The following PPP1R9A variants were observed in gnomAD, a reference collection of about 807,000 sequenced individuals.
PPP1R9A encodes the protein protein phosphatase 1 regulatory subunit 9A, also known as neurabin-1.
PPP1R9A carries 59 observed loss-of-function variants against 141.9 expected under a neutral mutation model. The ratio of observed to expected loss-of-function variants is 0.42; its 90% confidence interval spans 0.34 to 0.52. The LOEUF is 0.52. Ranked by LOEUF, PPP1R9A falls within the 20% of genes least tolerant of loss-of-function variation. The pLI is 0.10. For synonymous variants in PPP1R9A, 500 were observed against 569.7 expected (o/e 0.88, Z 1.74); for missense variants, 1,444 against 1,611.9 (o/e 0.90, Z 1.78).
chr7:95,049,450 C>G (rs184752543), intron 2 of PPP1R9A, among the ~76,000 whole-genome samples: 1 of 152,178 alleles, frequency 6.6e-6, no homozygotes, highest in Non-Finnish European at 1.5e-5. Context: ...CATACATACC[C>G]TGGCTCCTTC....
chr7:95,010,314 G>A (rs1804233931), intron 2 of PPP1R9A, among the ~76,000 whole-genome samples: 1 of 152,106 alleles, frequency 6.6e-6, no homozygotes, highest in Non-Finnish European at 1.5e-5. Flanking sequence ...TGAGGTGGAA[G>A]GATTGCTTGA....
At chr7:95,011,093 A>G (rs1032584630) in intron 2 of PPP1R9A, among the ~76,000 whole-genome samples, 1 of 152,174 alleles carries the variant, frequency 6.6e-6, no homozygotes, top group Non-Finnish European at 1.5e-5. Flanking sequence ...TTCTTTAAAG[A>G]TATTTTTCAT....
intron 2 of PPP1R9A, among the ~76,000 whole-genome samples, chr7:95,095,989 A>C (rs1486206035): frequency 7.4e-6 from 1 of 135,624 alleles, no homozygotes; most frequent in African/African-American, 2.7e-5. Context: ...TGTAGGTCTC[A>C]GTGCTAGAAA....
Position 95,290,352 on chromosome 7 carries a change from C to T in PPP1R9A, c.*49C>T. On this transcript the variant is annotated 3_prime_UTR_variant, in exon 20 of 20. Transcript: ENST00000433360. ...GAGATGCTCCAAGAGAAGTCCCCAC[C>T]TCTTCCTGCCCTGCTCTCCTCCAGA... The T allele has an allele frequency of 1.3e-6, 2 of 1,536,868 alleles. No individual in the cohort carries two copies. The highest frequency in any genetic ancestry group is 1.8e-6 in the Non-Finnish European group (2 of 1,131,528).
intron 8 of PPP1R9A, among the ~76,000 whole-genome samples, chr7:95,232,691 A>T (rs1282400511): frequency 6.6e-6 from 1 of 152,152 alleles, no homozygotes; most frequent in Non-Finnish European, 1.5e-5. Context: ...AAACAACCCC[A>T]TCAAAAAGTG....
intron 6 of PPP1R9A, among the ~76,000 whole-genome samples, chr7:95,201,629 G>A (rs547116249): frequency 6.6e-6 from 1 of 152,168 alleles, no homozygotes; most frequent in Admixed American, 6.5e-5. Context: ...ATGTCCAAGA[G>A]GCATAAAGGA....
intron 12 of PPP1R9A, among the ~76,000 whole-genome samples, chr7:95,263,160 C>G (rs1194800975): frequency 2.0e-5 from 3 of 151,966 alleles, no homozygotes; most frequent in African/African-American, 7.3e-5. Context: ...TCCTAGGACA[C>G]CAGATCTAAT....
At chr7:95,236,147 C>CA (rs1563474130) in intron 8 of PPP1R9A, among the ~76,000 whole-genome samples, 1 of 151,930 alleles carries the variant, frequency 6.6e-6, no homozygotes, top group Admixed American at 6.6e-5. Flanking sequence ...ATAACAACAA[C>CA]AAAAAAATTT....
chr7:95,205,465 C>A (rs1305914015), intron 7 of PPP1R9A, among the ~76,000 whole-genome samples: 1 of 152,188 alleles, frequency 6.6e-6, no homozygotes, highest in Non-Finnish European at 1.5e-5. Flanking sequence ...GAAACTACCA[C>A]AAATGACAGT....
intron 6 of PPP1R9A, among the ~76,000 whole-genome samples, chr7:95,200,269 C>T (rs1288008266): frequency 2.8e-5 from 4 of 144,058 alleles, no homozygotes; most frequent in Non-Finnish European, 6.1e-5. Context: ...AAATTTTGCT[C>T]TTTTTTTTTT....
chr7:95,224,201 A>C (rs974501153), intron 7 of PPP1R9A, among the ~76,000 whole-genome samples: 2 of 152,114 alleles, frequency 1.3e-5, no homozygotes, highest in Non-Finnish European at 2.9e-5. Flanking sequence ...CTAGAGTTCC[A>C]GGTACTCAGG....
intron 2 of PPP1R9A, among the ~76,000 whole-genome samples, chr7:95,038,179 G>A (rs1258765125): frequency 6.6e-6 from 1 of 151,984 alleles, no homozygotes; most frequent in African/African-American, 2.4e-5. Context: ...TGAAAAACTA[G>A]TGACTTTTCT....
chr7:95,219,596 T>A (rs2152937804), intron 7 of PPP1R9A, among the ~76,000 whole-genome samples: 1 of 152,254 alleles, frequency 6.6e-6, no homozygotes, highest in East Asian at 1.9e-4. Flanking sequence ...CCTGTCACTT[T>A]CAGATAAAAT....
intron 2 of PPP1R9A, among the ~76,000 whole-genome samples, chr7:94,988,644 G>A (rs1018313019): frequency 2.0e-5 from 3 of 152,018 alleles, no homozygotes; most frequent in Non-Finnish European, 1.5e-5. Context: ...GTGGAAAAGT[G>A]AAATGAGAAA....
intron 8 of PPP1R9A, among the ~76,000 whole-genome samples, chr7:95,239,147 T>G (rs532508794): frequency 6.6e-6 from 1 of 152,284 alleles, no homozygotes; most frequent in East Asian, 1.9e-4. Flanking sequence ...TCCATATTCA[T>G]TTTTCCTTAA....
intron 2 of PPP1R9A, among the ~76,000 whole-genome samples, chr7:94,971,561 TCA>T (rs1213135639): frequency 5.3e-5 from 8 of 152,324 alleles, no homozygotes; most frequent in Admixed American, 2.6e-4. Flanking sequence ...TCTTGAGAAT[TCA>T]CAGTTTTCTA....
chr7:94,915,016 T>G (rs1791898484), intron 2 of PPP1R9A, among the ~76,000 whole-genome samples: 3 of 152,182 alleles, frequency 2.0e-5, no homozygotes, highest in Non-Finnish European at 1.5e-5. Context: ...TCCCCTCAAA[T>G]ACTATTGTGT....
At chr7:95,100,998 G>A (rs972422408) in intron 2 of PPP1R9A, among the ~76,000 whole-genome samples, 8 of 150,796 alleles carry the variant, frequency 5.3e-5, no homozygotes, top group Non-Finnish European at 1.0e-4. Flanking sequence ...GACTACAGGC[G>A]CCCGCTACCA....
intron 2 of PPP1R9A, among the ~76,000 whole-genome samples, chr7:95,069,771 T>C (rs1298556004): frequency 6.6e-6 from 1 of 152,130 alleles, no homozygotes; most frequent in African/African-American, 2.4e-5. Context: ...CATGAGAATG[T>C]TCTTGTCAGA....
Sources: allele counts gnomAD v4.1 joint callset (sites outside exome capture counted in the v4.1 genomes callset), GRCh38; gene constraint gnomAD v4.1.1; transcripts MANE v1.5; gene names NCBI Gene and HGNC (gene_info 2026-07-23, HGNC 2026-07-21).